The following NEK11 variants were observed in gnomAD, a reference collection of about 807,000 sequenced individuals.
NEK11 encodes serine/threonine-protein kinase Nek11.
Under a neutral mutation model 80.7 loss-of-function variants are expected in NEK11, and 72 were observed. The observed-to-expected ratio is 0.89, with a 90% confidence interval of 0.74 to 1.08. The LOEUF (loss-of-function observed/expected upper bound fraction) is 1.08. NEK11 is among the 50% of genes least tolerant of loss of function. The pLI is 0.00. For synonymous variants in NEK11, 251 were observed against 260.7 expected (o/e 0.96, Z 0.36); for missense variants, 764 against 763.6 (o/e 1.00, Z -0.01).
intron 16 of NEK11, among the ~76,000 whole-genome samples, chr3:131,266,623 C>T (rs2096064603): frequency 6.6e-6 from 1 of 152,102 alleles, no homozygotes; most frequent in African/African-American, 2.4e-5. Flanking sequence ...TTTTTACTTC[C>T]AATTATGTGG....
chr3:131,225,049 G>A (rs2095149205), intron 14 of NEK11, among the ~76,000 whole-genome samples: 1 of 152,170 alleles, frequency 6.6e-6, no homozygotes, highest in Non-Finnish European at 1.5e-5. Context: ...GTAGCGTACA[G>A]TAATGTTCTA....
rs148094970 is a variant in NEK11, at chr3:131,201,395, T to G, written c.1400-27133T>G. On this transcript the variant is annotated intron_variant, in intron 14 of 17. Coordinates refer to ENST00000383366, the MANE Select transcript of NEK11 (RefSeq NM_024800.5). ...TAAGTTTCTCGACCTATATAGTAGT[T>G]TTGCAAGTATTTGCTTTATATTTAT... Among the ~76,000 whole-genome samples the G allele has an allele frequency of 2.2e-3, 333 of 152,190 alleles. 4 individuals are homozygous for G. The highest frequency in any genetic ancestry group is 7.5e-3 in the African/African-American group (312 of 41,528).
intron 4 of NEK11, among the ~76,000 whole-genome samples, chr3:131,096,427 T>G (rs1010806041): frequency 7.2e-5 from 11 of 152,176 alleles, no homozygotes; most frequent in African/African-American, 2.7e-4. Context: ...CAATCAATGA[T>G]TGGTGGGCAC....
At chr3:131,249,617 C>T (rs1400665502) in intron 16 of NEK11, among the ~76,000 whole-genome samples, 1 of 152,058 alleles carries the variant, frequency 6.6e-6, no homozygotes, top group East Asian at 1.9e-4. Flanking sequence ...TTATGAAACC[C>T]CCAGATACCA....
Position 131,152,459 on chromosome 3 carries a change from T to C in NEK11, c.719T>C (p.Ile240Thr), listed in dbSNP as rs751190905. ...TTCGCTGGCTCCAATTTCTTATCCA[T>C]TGTTTTAAAAATTGTTGAAGGTGAC... ...HAFAGSNFLS[I>T]VLKIVEGDTP... is the part of the protein sequence containing the mutation. Residue 240 changes from isoleucine (I) to threonine (T), a missense_variant, in exon 8 of 18, where the codon ATT becomes ACT. Ile to Thr is a moderately conservative substitution (Grantham distance 89). Coordinates refer to ENST00000383366, the MANE Select transcript of NEK11 (RefSeq NM_024800.5). The C allele has an allele frequency of 1.2e-6, 2 of 1,613,772 alleles. No individual in the cohort carries two copies. The highest frequency in any genetic ancestry group is 2.2e-5 in the South Asian group (2 of 91,060).
At chr3:131,044,163 A>G (rs887105168) in intron 3 of NEK11, among the ~76,000 whole-genome samples, 3 of 152,172 alleles carry the variant, frequency 2.0e-5, no homozygotes, top group Non-Finnish European at 4.4e-5. Context: ...TGTAAAGACC[A>G]TCAACACTAT....
chr3:131,340,795 A>G (rs1489558933), intron 17 of NEK11, among the ~76,000 whole-genome samples: 1 of 152,188 alleles, frequency 6.6e-6, no homozygotes, highest in African/African-American at 2.4e-5. Context: ...CTGCCAATTC[A>G]ATCTTGGGCA....
rs1050346073 is a variant in NEK11 at position 131,050,070 on chromosome 3, G to A, written c.170+20192G>A. Among the ~76,000 whole-genome samples, 5 of 152,232 alleles carry A rather than the reference G, an allele frequency of 3.3e-5. No homozygotes were observed. In the East Asian group the frequency reaches 9.6e-4, roughly 29 times the overall value. On this transcript the variant is annotated intron_variant, in intron 3 of 17. Transcript: ENST00000383366. Reference sequence around the variant, plus strand: ...TGCAGTGTGAGGTTAATGGGGGGGTGTCCCCTCAGCAGCTGCCTCAAGCTC... The same window carrying A: ...TGCAGTGTGAGGTTAATGGGGGGGTATCCCCTCAGCAGCTGCCTCAAGCTC...
At chr3:131,119,444 C>T (rs1324234513) in intron 5 of NEK11, among the ~76,000 whole-genome samples, 6 of 152,118 alleles carry the variant, frequency 3.9e-5, no homozygotes, top group Non-Finnish European at 8.8e-5. Flanking sequence ...AATGTATATT[C>T]CGTTGATTTG....
At chr3:131,146,751 A>G (rs1386099904) in intron 7 of NEK11, among the ~76,000 whole-genome samples, 1 of 151,938 alleles carries the variant, frequency 6.6e-6, no homozygotes, top group African/African-American at 2.4e-5. Flanking sequence ...ATGAGTGTGT[A>G]GCATGTAGTG....
At chr3:131,060,700 A>G (rs2070695573) in intron 3 of NEK11, among the ~76,000 whole-genome samples, 1 of 152,196 alleles carries the variant, frequency 6.6e-6, no homozygotes, top group Non-Finnish European at 1.5e-5. Flanking sequence ...ACAGTATCAC[A>G]TGTGACTGTC....
intron 17 of NEK11, among the ~76,000 whole-genome samples, chr3:131,305,500 G>C (rs2096713589): frequency 6.6e-6 from 1 of 152,174 alleles, no homozygotes; most frequent in South Asian, 2.1e-4. Flanking sequence ...GCTCTGCCTA[G>C]GTCCAACAGT....
At chr3:131,152,819 GGA>G in intron 9 of NEK11, 110 bp downstream of exon 9, 1 of 802,238 alleles carries the variant, frequency 1.2e-6, no homozygotes, top group South Asian at 1.8e-5. Context: ...CAACCAGAAA[GGA>G]GGAAAAAGGC....
intron 3 of NEK11, among the ~76,000 whole-genome samples, chr3:131,050,268 C>A (rs1164363168): frequency 6.6e-6 from 1 of 152,218 alleles, no homozygotes; most frequent in Non-Finnish European, 1.5e-5. Context: ...CAGGAGATTG[C>A]AGTAGAGTTT....
chr3:131,305,067 TGTG>T (rs143245413), intron 17 of NEK11, among the ~76,000 whole-genome samples: 1,600 of 151,230 alleles, frequency 0.011, 24 homozygotes, highest in East Asian at 0.083. Flanking sequence ...TGCATGCATT[TGTG>T]GTGGCAGCAT....
At position 131,350,191 on chromosome 3, in the gene NEK11, C is replaced by T. The variant is rs2097430990; in HGVS notation, c.*415C>T. 1 of 174,896 alleles carries T rather than the reference C, an allele frequency of 5.7e-6. No individual in the cohort carries two copies. Among genetic ancestry groups the T allele is most frequent in the East Asian group, 1.6e-4 (1 of 6,192 alleles). 10.8% of individuals were successfully genotyped at this position (174,896 alleles called of 1,614,324 possible). ...GTAGGCAGCCTGCCAGTGAAGGTCACTGGACTCTAGCCTACAACATGCTGA... is the reference window on the plus strand; with the variant it reads ...GTAGGCAGCCTGCCAGTGAAGGTCATTGGACTCTAGCCTACAACATGCTGA... On this transcript the variant is annotated 3_prime_UTR_variant, in exon 18 of 18. Transcript: ENST00000383366.
At chr3:131,120,151 G>C (rs2082116261) in intron 5 of NEK11, among the ~76,000 whole-genome samples, 1 of 152,184 alleles carries the variant, frequency 6.6e-6, no homozygotes, top group South Asian at 2.1e-4. Context: ...GCTTCCTTCA[G>C]GAGGTCTTGT....
intron 4 of NEK11, among the ~76,000 whole-genome samples, chr3:131,082,051 C>G (rs980346681): frequency 6.6e-6 from 1 of 152,098 alleles, no homozygotes; most frequent in Admixed American, 6.6e-5. Context: ...ATGTCTTGAC[C>G]CTGCTTTGCT....
intron 4 of NEK11, among the ~76,000 whole-genome samples, chr3:131,085,339 A>G (rs144439970): frequency 3.3e-5 from 5 of 152,348 alleles, no homozygotes; most frequent in African/African-American, 9.6e-5. Flanking sequence ...TCCAAAAGCC[A>G]TTACTGAGCC....
Sources: gnomAD v4.1 joint callset for allele counts (sites outside exome capture counted in the v4.1 genomes callset) on GRCh38, gnomAD v4.1.1 for gene constraint, MANE v1.5 for transcripts, NCBI Gene and HGNC (gene_info 2026-07-23, HGNC 2026-07-21) for gene names.